Variants in FRMD5 observed in about 807,000 individuals in gnomAD.
FRMD5 encodes FERM domain containing 5.
A neutral mutation model predicts 69.0 loss-of-function variants in FRMD5; 20 were observed. That is an observed-to-expected ratio of 0.29 (90% CI 0.20 to 0.42). The LOEUF (loss-of-function observed/expected upper bound fraction) is 0.42, where lower values mean the gene tolerates loss of function less well. FRMD5 is among the 10% of genes least tolerant of loss of function. The pLI, the probability that FRMD5 is intolerant of heterozygous loss-of-function variation, is 1.00. For synonymous variants in FRMD5, 271 were observed against 260.1 expected (o/e 1.04, Z -0.40); for missense variants, 595 against 708.6 (o/e 0.84, Z 1.82).
chr15:44,191,370 G>A (rs2464691), intron 1 of FRMD5, among the ~76,000 whole-genome samples: 4 of 152,086 alleles, frequency 2.6e-5, no homozygotes, highest in South Asian at 2.1e-4. Context: ...GGTGGATCAC[G>A]AGGTCAAGAG....
At chr15:44,154,189 G>A (rs2077490620) in intron 1 of FRMD5, among the ~76,000 whole-genome samples, 2 of 152,144 alleles carry the variant, frequency 1.3e-5, no homozygotes, top group South Asian at 4.2e-4. Flanking sequence ...TGGGTTTGGT[G>A]GTGCATGCTT....
chr15:44,116,452 C>A (rs1202618057), intron 1 of FRMD5, among the ~76,000 whole-genome samples: 4 of 152,094 alleles, frequency 2.6e-5, no homozygotes, highest in African/African-American at 4.8e-5. Context: ...TAACAACTGG[C>A]AGAGCCTGTG....
chr15:44,009,271 A>G (rs1239412513), intron 1 of FRMD5, among the ~76,000 whole-genome samples: 1 of 152,230 alleles, frequency 6.6e-6, no homozygotes, highest in East Asian at 1.9e-4. Flanking sequence ...TGAGTCAGAG[A>G]GGTAATAAGA....
chr15:43,923,693 G>A (rs2089535419), intron 2 of FRMD5, among the ~76,000 whole-genome samples: 1 of 152,212 alleles, frequency 6.6e-6, no homozygotes, highest in Non-Finnish European at 1.5e-5. Flanking sequence ...AGCACCCTTG[G>A]CTATCAGAAT....
intron 7 of FRMD5, among the ~76,000 whole-genome samples, chr15:43,898,785 C>T (rs2088975517): frequency 6.6e-6 from 1 of 152,210 alleles, no homozygotes; most frequent in Non-Finnish European, 1.5e-5. Flanking sequence ...GAGTTGAGGG[C>T]TGAGGGTCAA....
intron 1 of FRMD5, among the ~76,000 whole-genome samples, chr15:44,073,555 T>C (rs750171223): frequency 3.3e-5 from 5 of 152,226 alleles, no homozygotes; most frequent in African/African-American, 9.6e-5. Flanking sequence ...ATCATGGACA[T>C]AGGAATCTTG....
At chr15:44,182,589 G>A (rs546648972) in intron 1 of FRMD5, among the ~76,000 whole-genome samples, 1 of 152,170 alleles carries the variant, frequency 6.6e-6, no homozygotes, top group South Asian at 2.1e-4. Flanking sequence ...GCCTCCCAAA[G>A]TGCTGGGATT....
chr15:44,074,234 GC>G (rs1208256868), intron 1 of FRMD5, among the ~76,000 whole-genome samples: 2 of 152,112 alleles, frequency 1.3e-5, no homozygotes, highest in Non-Finnish European at 2.9e-5. Flanking sequence ...TAATAATTGG[GC>G]CTGGAAGTTA....
At chr15:43,982,021 A>G (rs2090556034) in intron 1 of FRMD5, among the ~76,000 whole-genome samples, 1 of 152,216 alleles carries the variant, frequency 6.6e-6, no homozygotes, top group Non-Finnish European at 1.5e-5. Flanking sequence ...TATTACTTGG[A>G]GCTTGATGGC....
intron 7 of FRMD5, among the ~76,000 whole-genome samples, chr15:43,897,485 C>T (rs1361306930): frequency 1.4e-5 from 1 of 70,218 alleles, no homozygotes; most frequent in South Asian, 5.3e-4. Context: ...GACACTCCAT[C>T]TCAAAAAAAA....
chr15:43,918,560 T>C (rs2089437658), intron 4 of FRMD5, among the ~76,000 whole-genome samples: 1 of 152,162 alleles, frequency 6.6e-6, no homozygotes, highest in Non-Finnish European at 1.5e-5. Context: ...TGGCTGGCAA[T>C]ATCCTCATTC....
At position 43,888,258 on chromosome 15, in the gene FRMD5, TTTC is replaced by T; in HGVS notation, c.798_800del (p.Lys267del). The T allele has an allele frequency of 6.2e-7, 1 of 1,612,768 alleles. No homozygotes were observed. Among genetic ancestry groups the T allele is most frequent in the Non-Finnish European group, 8.5e-7 (1 of 1,178,866 alleles). ...TTGGAGCAAAATATGTAAGAATAAT[TTTC>T]TTTTCCTGCAAAAAATTCCACATTG... On this transcript the variant is annotated inframe_deletion, in exon 10 of 14. Transcript: ENST00000417257.
intron 1 of FRMD5, among the ~76,000 whole-genome samples, chr15:43,987,192 A>G (rs1889435815): frequency 6.6e-6 from 1 of 152,214 alleles, no homozygotes; most frequent in South Asian, 2.1e-4. Context: ...GTTCAAGTGA[A>G]AGGAAGAGTC....
intron 1 of FRMD5, among the ~76,000 whole-genome samples, chr15:43,986,800 G>T (rs997348843): frequency 6.8e-6 from 1 of 146,234 alleles, no homozygotes; most frequent in Non-Finnish European, 1.5e-5. Flanking sequence ...TGGGGTTTTT[G>T]TTTTTTTTTT....
At chr15:43,988,049 G>C (rs1285279122) in intron 1 of FRMD5, among the ~76,000 whole-genome samples, 1 of 151,998 alleles carries the variant, frequency 6.6e-6, no homozygotes, top group African/African-American at 2.4e-5. Flanking sequence ...TTCACAATGG[G>C]GTTCATGCTC....
intron 1 of FRMD5, among the ~76,000 whole-genome samples, chr15:43,983,814 T>C (rs1295436640): frequency 6.6e-6 from 1 of 152,196 alleles, no homozygotes; most frequent in Admixed American, 6.5e-5. Context: ...TAAAATGTCA[T>C]GTCACTGTGA....
At chr15:44,042,714 G>A (rs1406769902) in intron 1 of FRMD5, among the ~76,000 whole-genome samples, 1 of 152,204 alleles carries the variant, frequency 6.6e-6, no homozygotes, top group Admixed American at 6.5e-5. Context: ...AAAGGCCTTT[G>A]ACGAAATTCA....
At chr15:44,113,741 T>TA (rs2076831240) in intron 1 of FRMD5, among the ~76,000 whole-genome samples, 1 of 152,216 alleles carries the variant, frequency 6.6e-6, no homozygotes, top group South Asian at 2.1e-4. Flanking sequence ...GTAATCATCT[T>TA]ACTAGCTTTT....
chr15:43,985,831 C>A (rs1305598722), intron 1 of FRMD5, among the ~76,000 whole-genome samples: 1 of 152,114 alleles, frequency 6.6e-6, no homozygotes, highest in Non-Finnish European at 1.5e-5. Flanking sequence ...GAGGAAAGAT[C>A]AAAGGTATTG....
Sources: gnomAD v4.1 joint callset for allele counts (sites outside exome capture counted in the v4.1 genomes callset) on GRCh38, gnomAD v4.1.1 for gene constraint, MANE v1.5 for transcripts, NCBI Gene and HGNC (gene_info 2026-07-23, HGNC 2026-07-21) for gene names.